Variants in NKAIN2 observed in about 807,000 individuals in gnomAD.
NKAIN2 encodes the protein sodium/potassium transporting ATPase interacting 2, also known as sodium/potassium-transporting ATPase subunit beta-1-interacting protein 2.
In NKAIN2, 14 loss-of-function variants were observed where a neutral mutation model predicts 32.6. The observed-to-expected ratio is 0.43, with a 90% CI of 0.28 to 0.67. The LOEUF (loss-of-function observed/expected upper bound fraction) is 0.67. NKAIN2 is among the 30% of genes least tolerant of loss of function. The pLI, the probability that NKAIN2 is intolerant of heterozygous loss-of-function variation, is 0.17. For synonymous variants in NKAIN2, 80 were observed against 87.2 expected (o/e 0.92, Z 0.46); for missense variants, 198 against 258.3 (o/e 0.77, Z 1.60).
At chr6:124,161,276 G>A (rs930033574) in intron 1 of NKAIN2, among the ~76,000 whole-genome samples, 1 of 151,960 alleles carries the variant, frequency 6.6e-6, no homozygotes, top group Non-Finnish European at 1.5e-5. Context: ...GATAAGGGGA[G>A]GTGCTACACA....
chr6:124,554,015 A>C (rs1272749498), intron 3 of NKAIN2, among the ~76,000 whole-genome samples: 1 of 152,224 alleles, frequency 6.6e-6, no homozygotes, highest in Middle Eastern at 3.2e-3. Context: ...CCAATAACAA[A>C]ATGTTATTAT....
chr6:123,958,530 C>A (rs754496146), intron 1 of NKAIN2, among the ~76,000 whole-genome samples: 5 of 152,222 alleles, frequency 3.3e-5, no homozygotes, highest in Admixed American at 6.5e-5. Context: ...TTCCCTCAAG[C>A]CTCTTTTAAA....
intron 1 of NKAIN2, among the ~76,000 whole-genome samples, chr6:123,927,424 T>A (rs558266308): frequency 6.6e-6 from 1 of 152,282 alleles, no homozygotes; most frequent in South Asian, 2.1e-4. Flanking sequence ...ATAGCAAATA[T>A]CTTTCTGTAG....
chr6:123,889,181 A>G (rs534359032), intron 1 of NKAIN2, among the ~76,000 whole-genome samples: 1 of 152,196 alleles, frequency 6.6e-6, no homozygotes, highest in African/African-American at 2.4e-5. Context: ...TCATGCTTCC[A>G]TTGCAGCCCA....
chr6:124,592,014 T>C (rs1034020455), intron 3 of NKAIN2, among the ~76,000 whole-genome samples: 1 of 152,196 alleles, frequency 6.6e-6, no homozygotes, highest in African/African-American at 2.4e-5. Flanking sequence ...AAGTTAATGT[T>C]AGGTATTGAT....
intron 3 of NKAIN2, among the ~76,000 whole-genome samples, chr6:124,408,095 A>G (rs1394030200): frequency 2.0e-5 from 3 of 152,256 alleles, no homozygotes; most frequent in Non-Finnish European, 2.9e-5. Context: ...TCTGGATATT[A>G]GCCCTTTGTC....
chr6:124,809,777 A>C (rs1341165001), intron 5 of NKAIN2, among the ~76,000 whole-genome samples: 1 of 152,158 alleles, frequency 6.6e-6, no homozygotes, highest in Non-Finnish European at 1.5e-5. Context: ...AAACTCAAAC[A>C]AATTTACAAG....
chr6:123,845,172 C>A (rs1184239980), intron 1 of NKAIN2, among the ~76,000 whole-genome samples: 1 of 152,098 alleles, frequency 6.6e-6, no homozygotes, highest in Non-Finnish European at 1.5e-5. Context: ...CTTCTATTTG[C>A]TGGTAGCTTG....
At chr6:124,780,380 G>A (rs1779204359) in intron 4 of NKAIN2, among the ~76,000 whole-genome samples, 1 of 152,202 alleles carries the variant, frequency 6.6e-6, no homozygotes, top group Admixed American at 6.5e-5. Flanking sequence ...GCCTATCTGT[G>A]CTTTTTGGTG....
chr6:124,764,878 C>A (rs1340788886), intron 4 of NKAIN2, among the ~76,000 whole-genome samples: 1 of 151,912 alleles, frequency 6.6e-6, no homozygotes, highest in Non-Finnish European at 1.5e-5. Flanking sequence ...CAAAAAAAAA[C>A]CTATTCATTC....
intron 1 of NKAIN2, among the ~76,000 whole-genome samples, chr6:123,839,582 C>G (rs970122029): frequency 1.3e-5 from 2 of 152,076 alleles, no homozygotes; most frequent in African/African-American, 2.4e-5. Flanking sequence ...CTTTTTCTAA[C>G]TTTACGAATT....
intron 1 of NKAIN2, among the ~76,000 whole-genome samples, chr6:124,115,015 G>A (rs1469404105): frequency 6.6e-6 from 1 of 152,042 alleles, no homozygotes; most frequent in African/African-American, 2.4e-5. Flanking sequence ...AATTGGAAAA[G>A]CTTTTTAAAA....
At chr6:124,532,786 T>G (rs1237488245) in intron 3 of NKAIN2, among the ~76,000 whole-genome samples, 5 of 152,188 alleles carry the variant, frequency 3.3e-5, no homozygotes, top group African/African-American at 1.2e-4. Context: ...CTGGGAATGC[T>G]CCCATGGTTC....
chr6:124,372,226 T>C (rs954919022), intron 3 of NKAIN2, among the ~76,000 whole-genome samples: 4 of 152,182 alleles, frequency 2.6e-5, no homozygotes, highest in Admixed American at 6.6e-5. Context: ...AGGTATTTTA[T>C]AATCTAAATA....
At chr6:124,017,973 T>C (rs1780668129) in intron 1 of NKAIN2, among the ~76,000 whole-genome samples, 1 of 152,234 alleles carries the variant, frequency 6.6e-6, no homozygotes, top group Non-Finnish European at 1.5e-5. Context: ...CCTTCTGCAC[T>C]GCCCTAGCAG....
intron 4 of NKAIN2, among the ~76,000 whole-genome samples, chr6:124,682,304 T>C (rs1233790504): frequency 2.0e-5 from 3 of 152,134 alleles, no homozygotes; most frequent in African/African-American, 7.2e-5. Flanking sequence ...AAGGATGACC[T>C]TGTAGTCATA....
intron 3 of NKAIN2, among the ~76,000 whole-genome samples, chr6:124,426,952 G>A (rs1484409731): frequency 1.3e-5 from 2 of 152,272 alleles, no homozygotes; most frequent in East Asian, 3.9e-4. Flanking sequence ...CCCCAGCCAT[G>A]TAGAACTGTG....
intron 2 of NKAIN2, among the ~76,000 whole-genome samples, chr6:124,324,473 A>T (rs941535227): frequency 2.0e-5 from 3 of 152,046 alleles, no homozygotes. Flanking sequence ...AATATTTCTA[A>T]TTTTTTTGTG....
intron 1 of NKAIN2, among the ~76,000 whole-genome samples, chr6:123,884,826 C>T (rs1773636231): frequency 6.6e-6 from 1 of 152,020 alleles, no homozygotes; most frequent in Non-Finnish European, 1.5e-5. Context: ...CCCTAGATTA[C>T]TATTTCAGCT....
Sources: gnomAD v4.1 joint callset for allele counts (sites outside exome capture counted in the v4.1 genomes callset) on GRCh38, gnomAD v4.1.1 for gene constraint, MANE v1.5 for transcripts, NCBI Gene and HGNC (gene_info 2026-07-23, HGNC 2026-07-21) for gene names.